The following UGT1A9 variants were observed in gnomAD, a reference collection of about 807,000 sequenced individuals.
The protein encoded by UGT1A9 is UDP glucuronosyltransferase family 1 member A9.
In UGT1A9, 35 loss-of-function variants were observed where a neutral mutation model predicts 45.0. That is an observed-to-expected ratio of 0.78 (90% CI 0.59 to 1.03). The LOEUF (loss-of-function observed/expected upper bound fraction) is 1.03, where lower values mean the gene tolerates loss of function less well. UGT1A9 is among the 50% of genes least tolerant of loss of function. The probability of loss-of-function intolerance (pLI) is 0.00; values close to 1 mark genes in which losing one functional copy is unlikely to be tolerated. For missense variants in UGT1A9, 687 were observed against 666.6 expected, an observed-to-expected ratio of 1.03 and a Z score of -0.34; for synonymous variants, 278 against 250.6, an observed-to-expected ratio of 1.11 and a Z score of -1.03.
chr2:233,699,396 A>G (rs1384034823), intron 1 of UGT1A9, among the ~76,000 whole-genome samples: 1 of 152,216 alleles, frequency 6.6e-6, no homozygotes, highest in African/African-American at 2.4e-5. Flanking sequence ...CAATTTTAGA[A>G]GAGAATTTAG....
chr2:233,740,827 A>T lies in UGT1A9; in HGVS notation c.856-26207A>T, dbSNP rs887567904. On this transcript the variant is annotated intron_variant, in intron 1 of 4. Transcript: ENST00000354728. ...AGCACTGTTCTGTTTTTGAGCTGAGACATTTTAAAAGGAGATTTTTCAATT... is the reference window on the plus strand; with the variant it reads ...AGCACTGTTCTGTTTTTGAGCTGAGTCATTTTAAAAGGAGATTTTTCAATT... The T allele has an allele frequency of 9.9e-5, 15 of 151,890 alleles. 1 individual carries two copies. Among genetic ancestry groups the T allele is most frequent in the African/African-American group, 3.6e-4 (15 of 41,128 alleles). 9.4% of individuals were successfully genotyped at this position (151,890 alleles called of 1,614,324 possible).
At chr2:233,690,508 GT>G in intron 1 of UGT1A9, 4 of 1,289,314 alleles carry the variant, frequency 3.1e-6, no homozygotes, top group Non-Finnish European at 4.0e-6. Context: ...ACAGAGATTT[GT>G]TTTATCTTAG....
chr2:233,693,372 T>G (rs1266253057), intron 1 of UGT1A9: 3 of 1,614,178 alleles, frequency 1.9e-6, no homozygotes, highest in Non-Finnish European at 1.7e-6. Context: ...GGCCTGTACT[T>G]CATCAACTGC....
At chr2:233,692,860 C>A in intron 1 of UGT1A9, 2 of 1,471,358 alleles carry the variant, frequency 1.4e-6, no homozygotes, top group South Asian at 2.9e-5. Context: ...TGGGTTCTTA[C>A]ATATCAAAGG....
chr2:233,709,908 T>TA (rs1575491897), intron 1 of UGT1A9, among the ~76,000 whole-genome samples: 1 of 152,210 alleles, frequency 6.6e-6, no homozygotes, highest in Non-Finnish European at 1.5e-5. Context: ...AGTCACCTAA[T>TA]ACCTCCCCTC....
At chr2:233,699,341 G>T (rs920217279) in intron 1 of UGT1A9, among the ~76,000 whole-genome samples, 1 of 152,132 alleles carries the variant, frequency 6.6e-6, no homozygotes, top group Admixed American at 6.5e-5. Context: ...ATCCACCCTA[G>T]GGCTAACCTC....
At chr2:233,705,875 G>A (rs923785055) in intron 1 of UGT1A9, among the ~76,000 whole-genome samples, 2 of 152,126 alleles carry the variant, frequency 1.3e-5, no homozygotes, top group African/African-American at 2.4e-5. Flanking sequence ...ATCACTTGAG[G>A]CCAGGAGTTC....
chr2:233,705,833 C>A (rs915135173), intron 1 of UGT1A9, among the ~76,000 whole-genome samples: 3 of 152,118 alleles, frequency 2.0e-5, no homozygotes, highest in African/African-American at 7.2e-5. Flanking sequence ...AGCACAGTGG[C>A]TGGAGCTGAA....
At chr2:233,743,637 G>A (rs375962177) in intron 1 of UGT1A9, 6 of 1,367,294 alleles carry the variant, frequency 4.4e-6, no homozygotes, top group East Asian at 9.1e-5. Context: ...GCTGGGTCGC[G>A]GAAGCTGAAG....
At chr2:233,767,540 C>G (rs570115667) in intron 2 of UGT1A9, among the ~76,000 whole-genome samples, 2 of 152,230 alleles carry the variant, frequency 1.3e-5, no homozygotes, top group Non-Finnish European at 2.9e-5. Flanking sequence ...CATTTCTGCT[C>G]TTATAGTTCT....
rs1430116082 is a variant in UGT1A9 at position 233,769,294 on chromosome 2, T to A, written c.1295+855T>A. ...AGGGCAAATGATTTCTGGATTAAAGTTAGTATATTACTGTCAAGCTCACTG... is the reference window on the plus strand; with the variant it reads ...AGGGCAAATGATTTCTGGATTAAAGATAGTATATTACTGTCAAGCTCACTG... On this transcript the variant is annotated intron_variant, in intron 4 of 4. Coordinates refer to ENST00000354728, the MANE Select transcript of UGT1A9 (RefSeq NM_021027.3). This position sits in a 1 kb window ranked among gnomAD's most constrained non-coding sequence, Gnocchi z 4.4. Among the ~76,000 whole-genome samples, 2 of 152,234 alleles carry A rather than the reference T, an allele frequency of 1.3e-5. No homozygotes were observed. The highest frequency in any genetic ancestry group is 4.8e-5 in the African/African-American group (2 of 41,454).
At chr2:233,674,927 A>G (rs1312490946) in intron 1 of UGT1A9, among the ~76,000 whole-genome samples, 1 of 152,208 alleles carries the variant, frequency 6.6e-6, no homozygotes, top group African/African-American at 2.4e-5. Context: ...TGTGTCTGGG[A>G]AAAGCATGCA....
chr2:233,769,088 T>C lies in UGT1A9; in HGVS notation c.1295+649T>C, dbSNP rs1699789125. 2.0e-5 allele frequency among the ~76,000 whole-genome samples: 3 copies of C among 152,168 alleles called. No homozygotes were observed. Among genetic ancestry groups the C allele is most frequent in the African/African-American group, 7.2e-5 (3 of 41,420 alleles). The stretch of plus-strand genomic sequence containing the variant: ...AAGAAATACTCCATTATAAGAAGCA[T>C]AGTATCTTTAAGAGAAAAACAACTC... On this transcript the variant is annotated intron_variant, in intron 4 of 4. Coordinates refer to ENST00000354728, the MANE Select transcript of UGT1A9 (RefSeq NM_021027.3). This position sits in a 1 kb window ranked among gnomAD's most constrained non-coding sequence, Gnocchi z 4.4.
chr2:233,693,544 T>C (rs888897254), intron 1 of UGT1A9: 2 of 1,614,184 alleles, frequency 1.2e-6, no homozygotes, highest in Admixed American at 3.3e-5. Context: ...CCCTGGAGCA[T>C]ACATTCAGCA....
At chr2:233,682,820 A>G (rs562629163) in intron 1 of UGT1A9, 4 of 1,573,334 alleles carry the variant, frequency 2.5e-6, no homozygotes, top group South Asian at 1.2e-5. Flanking sequence ...TAGCACATTA[A>G]GAATAATCTG....
At chr2:233,700,719 T>A (rs551815415) in intron 1 of UGT1A9, among the ~76,000 whole-genome samples, 5 of 152,300 alleles carry the variant, frequency 3.3e-5, no homozygotes, top group East Asian at 1.9e-4. Context: ...TTTCTTTTTT[T>A]AAAAATTTTA....
intron 1 of UGT1A9, among the ~76,000 whole-genome samples, chr2:233,724,344 CCCCCA>C (rs2077230928): frequency 6.9e-6 from 1 of 144,984 alleles, no homozygotes; most frequent in East Asian, 2.2e-4. Flanking sequence ...GGGCTGACCC[CCCCCA>C]CCTCCCTCCC....
chr2:233,700,256 G>A (rs1243486854), intron 1 of UGT1A9, among the ~76,000 whole-genome samples: 4 of 152,170 alleles, frequency 2.6e-5, no homozygotes, highest in African/African-American at 7.2e-5. Flanking sequence ...AAAATGCCAA[G>A]TCATTCTTAA....
At position 233,719,059 on chromosome 2, in the gene UGT1A9, A is replaced by G. The variant is rs747301276; in HGVS notation, c.855+46270A>G. The G allele has an allele frequency of 3.7e-6, 6 of 1,614,138 alleles. No individual in the cohort carries two copies. In the South Asian group the frequency reaches 4.4e-5, roughly 12 times the overall value. On this transcript the variant is annotated intron_variant, in intron 1 of 4. Transcript: ENST00000354728. Reference sequence around the variant, plus strand: ...GAGAAATTTTTCACCCTGACAGCCTATGCTGTTCCATGGACCCAGAAGGAA... The same window carrying G: ...GAGAAATTTTTCACCCTGACAGCCTGTGCTGTTCCATGGACCCAGAAGGAA...
Sources: allele counts gnomAD v4.1 joint callset (sites outside exome capture counted in the v4.1 genomes callset), GRCh38; gene constraint gnomAD v4.1.1; non-coding constraint Gnocchi (gnomAD v3.1); transcripts MANE v1.5; gene names NCBI Gene and HGNC (gene_info 2026-07-23, HGNC 2026-07-21).